CYTH1: variants seen among roughly 807,000 people sequenced by gnomAD.
The protein encoded by CYTH1 is cytohesin 1.
In CYTH1, 18 loss-of-function variants were observed where a neutral mutation model predicts 61.8. The observed-to-expected ratio is 0.29, with a 90% CI of 0.20 to 0.43. CYTH1 has a LOEUF of 0.43. Among genes scored for constraint, CYTH1 ranks in the 20% least tolerant of loss-of-function variants. CYTH1 has a pLI of 1.00. For missense variants in CYTH1, 336 were observed against 510.5 expected, an observed-to-expected ratio of 0.66 and a Z score of 3.29; for synonymous variants, 174 against 184.3, an observed-to-expected ratio of 0.94 and a Z score of 0.45.
chr17:78,776,686 C>G (rs996408886), intron 1 of CYTH1, among the ~76,000 whole-genome samples: 2 of 148,414 alleles, frequency 1.3e-5, no homozygotes, highest in Non-Finnish European at 3.0e-5. Flanking sequence ...AAAGTACACA[C>G]AGTATGCATG....
At chr17:78,714,782 C>T (rs1158265673) in intron 1 of CYTH1, among the ~76,000 whole-genome samples, 2 of 151,982 alleles carry the variant, frequency 1.3e-5, no homozygotes, top group Admixed American at 6.6e-5. Flanking sequence ...ACAGAGATAA[C>T]CACACCTATG....
intron 1 of CYTH1, among the ~76,000 whole-genome samples, chr17:78,754,659 T>C (rs2093393830): frequency 1.3e-5 from 2 of 152,154 alleles, no homozygotes; most frequent in African/African-American, 4.8e-5. Context: ...AAAATTGTGA[T>C]TTTTAGTACA....
In CYTH1 at chr17:78,690,385, C is replaced by T. The variant is rs545002278; in HGVS notation, c.891+2032G>A. ...CTCCAGCCTGGGCAACAGAGCGAGA[C>T]TCCATCTCAAAAAAAAAAAAAAAAA... On this transcript the variant is annotated intron_variant, in intron 11 of 13. Transcript: ENST00000446868. 1.1e-4 allele frequency among the ~76,000 whole-genome samples: 7 copies of T among 61,054 alleles called. No homozygotes were observed. In the East Asian group the frequency reaches 4.5e-3, roughly 39 times the overall value. 40.1% of individuals were successfully genotyped at this position (61,054 alleles called of 152,430 possible). A position where few individuals can be genotyped will look rare whatever the true frequency, so the allele number is the denominator to read the frequency against.
chr17:78,751,873 G>C (rs1209904761), intron 1 of CYTH1, among the ~76,000 whole-genome samples: 1 of 152,142 alleles, frequency 6.6e-6, no homozygotes, highest in Admixed American at 6.6e-5. Flanking sequence ...GCAGTGGCAT[G>C]ATCTCGGCTC....
chr17:78,675,892 G>A lies in CYTH1; in HGVS notation c.*199C>T. 2 of 1,500,830 alleles carry A rather than the reference G, an allele frequency of 1.3e-6. No homozygotes were observed. The highest frequency in any genetic ancestry group is 1.8e-6 in the Non-Finnish European group (2 of 1,124,142). 93.0% of individuals were successfully genotyped at this position (1,500,830 alleles called of 1,614,324 possible). On this transcript the variant is annotated 3_prime_UTR_variant, in exon 14 of 14. Transcript: ENST00000446868. ...GCTCTGGAGCCCATGCTGGACAGGT[G>A]GCCGGTCCTCTCTTCCCCAGTGATA...
intron 11 of CYTH1, among the ~76,000 whole-genome samples, chr17:78,683,689 G>C (rs1441073978): frequency 6.6e-6 from 1 of 152,218 alleles, no homozygotes; most frequent in Non-Finnish European, 1.5e-5. Flanking sequence ...GAAATGCTTG[G>C]TCAGTCTCTC....
chr17:78,732,074 C>G (rs2093297886), intron 1 of CYTH1, among the ~76,000 whole-genome samples: 2 of 152,214 alleles, frequency 1.3e-5, no homozygotes, highest in African/African-American at 4.8e-5. Context: ...TAGGGCCACT[C>G]CTGCTCCAAC....
At chr17:78,753,699 T>C (rs1281308832) in intron 1 of CYTH1, among the ~76,000 whole-genome samples, 1 of 152,124 alleles carries the variant, frequency 6.6e-6, no homozygotes, top group African/African-American at 2.4e-5. Context: ...AATAGGTGAT[T>C]TGCCATACTC....
chr17:78,762,765 G>A (rs1473593312), intron 1 of CYTH1, among the ~76,000 whole-genome samples: 1 of 152,164 alleles, frequency 6.6e-6, no homozygotes, highest in Non-Finnish European at 1.5e-5. Flanking sequence ...TGCTGGCTTT[G>A]AAGATGCAGG....
chr17:78,704,961 A>C (rs1212495463), intron 3 of CYTH1, among the ~76,000 whole-genome samples: 2 of 152,220 alleles, frequency 1.3e-5, no homozygotes, highest in African/African-American at 4.8e-5. Flanking sequence ...TTTCAGCCAG[A>C]ATGAAGGGTT....
chr17:78,711,819 G>A lies in CYTH1; in HGVS notation c.23-2087C>T, dbSNP rs761597849. ...TTTTAGTCCAGGCCTTGTAGCTCAC[G>A]CCTGTAATCCCAGCACTTTGGGAGG... is the stretch of plus-strand genomic sequence containing the variant. On this transcript the variant is annotated intron_variant, in intron 1 of 13. Coordinates refer to ENST00000446868, the MANE Select transcript of CYTH1 (RefSeq NM_004762.6). 1.7e-4 allele frequency among the ~76,000 whole-genome samples: 26 copies of A among 151,428 alleles called. 1 individual carries two copies. Among genetic ancestry groups the A allele is most frequent in the East Asian group, 1.9e-4 (1 of 5,156 alleles).
Position 78,782,259 on chromosome 17 carries a change from C to G in CYTH1, c.-36G>C. The G allele has an allele frequency of 8.0e-7, 1 of 1,249,022 alleles. No homozygotes were observed. The highest frequency in any genetic ancestry group is 1.0e-6 in the Non-Finnish European group (1 of 982,866). The allele number at this position is 1,249,022 out of a possible 1,614,324, so 77.4% of individuals were successfully genotyped here. On this transcript the variant is annotated 5_prime_UTR_variant, in exon 1 of 14. Transcript: ENST00000446868. ...CCGGGCTCCGCGCTCCGGCTCGCCG[C>G]TCGCGTCCCGCCGCGCCACCCGCGC...
chr17:78,777,426 A>G (rs529828685), intron 1 of CYTH1, among the ~76,000 whole-genome samples: 1 of 152,254 alleles, frequency 6.6e-6, no homozygotes, highest in Admixed American at 6.5e-5. Flanking sequence ...TCAAAAATAA[A>G]TAAATAAAAA....
chr17:78,754,185 T>A (rs1230251267), intron 1 of CYTH1, among the ~76,000 whole-genome samples: 1 of 152,206 alleles, frequency 6.6e-6, no homozygotes, highest in East Asian at 1.9e-4. Context: ...ATGCGTGTGA[T>A]GCTGACAGAA....
rs927333533 is a variant in CYTH1, at chr17:78,756,784, G to A, written c.22+25418C>T. Among the ~76,000 whole-genome samples the A allele has an allele frequency of 3.3e-5, 5 of 151,544 alleles. No individual in the cohort carries two copies. The East Asian group carries it at 7.8e-4, about 24-fold the overall frequency. On this transcript the variant is annotated intron_variant, in intron 1 of 13. Transcript: ENST00000446868. ...CAAGGCTGCAGTGAGCTATGATCAT[G>A]CCACTGCACTCCAGCCTCGGTGACA... is the stretch of plus-strand genomic sequence containing the variant.
intron 9 of CYTH1, among the ~76,000 whole-genome samples, chr17:78,697,218 G>A (rs1317443156): frequency 6.6e-6 from 1 of 151,178 alleles, no homozygotes; most frequent in Non-Finnish European, 1.5e-5. Context: ...AATCACTGGG[G>A]CAAGCAGTTG....
Position 78,680,208 on chromosome 17 carries a change from T to A in CYTH1, c.1100A>T (p.Glu367Val). The A allele has an allele frequency of 2.5e-6, 4 of 1,614,098 alleles. No homozygotes were observed. Among genetic ancestry groups the A allele is most frequent in the Non-Finnish European group, 3.4e-6 (4 of 1,180,002 alleles). ...CACTTACTTAATGCACTTAATCCAC[T>A]CCTCCTTCTCCTCGGGCGTCGGAGC... ...ISAPTPEEKE[E>V]WIKCIKAAIS... The change falls in exon 13 of 14, where the codon GAG (glutamate) becomes GTG (valine). Residue 367 changes from glutamate to valine, a missense_variant. Physicochemically the swap from Glu to Val is moderately radical, Grantham distance 121 (BLOSUM62 -2). Around this residue, in one of 4 missense-constraint regions of CYTH1, gnomAD observed 83 missense variants for 115.6 expected, o/e 0.72. Transcript: ENST00000446868.
intron 1 of CYTH1, among the ~76,000 whole-genome samples, chr17:78,774,236 C>T (rs1389869942): frequency 6.6e-6 from 1 of 152,138 alleles, no homozygotes; most frequent in Non-Finnish European, 1.5e-5. Flanking sequence ...GTTCATGTCA[C>T]CCTGAGAATA....
In CYTH1 at chr17:78,675,839, CAA is replaced by C; in HGVS notation, c.*250_*251del. 6.9e-7 allele frequency: 1 copy of C among 1,443,152 alleles called. No homozygotes were observed. Among genetic ancestry groups the C allele is most frequent in the East Asian group, 2.5e-5 (1 of 39,612 alleles). The allele number at this position is 1,443,152 out of a possible 1,614,324, so 89.4% of individuals were successfully genotyped here. On this transcript the variant is annotated 3_prime_UTR_variant, in exon 14 of 14. Transcript: ENST00000446868. ...ACTGGCCAGGAGGCTGCCCTGCCGACAAGAGCTCTGCCCTGTGAGAGAGGAAG... is the reference window on the plus strand; with the variant it reads ...ACTGGCCAGGAGGCTGCCCTGCCGACGAGCTCTGCCCTGTGAGAGAGGAAG...
Sources: gnomAD v4.1 joint callset for allele counts (sites outside exome capture counted in the v4.1 genomes callset) on GRCh38, gnomAD v4.1.1 for gene constraint, gnomAD v4.1.1 regional missense constraint, MANE v1.5 for transcripts, NCBI Gene and HGNC (gene_info 2026-07-23, HGNC 2026-07-21) for gene names.